Variants in MAGOHB observed in about 807,000 individuals in gnomAD.
MAGOHB encodes the protein protein mago nashi homolog 2.
Under a neutral mutation model 20.9 loss-of-function variants are expected in MAGOHB, and 15 were observed. That is an observed-to-expected ratio of 0.72 (90% CI 0.48 to 1.11). MAGOHB has a LOEUF of 1.11. Ranked by LOEUF, MAGOHB falls within the 50% of genes least tolerant of loss-of-function variation. The pLI is 0.00. For missense variants in MAGOHB, 162 were observed against 177.6 expected, an observed-to-expected ratio of 0.91 and a Z score of 0.50; for synonymous variants, 50 against 57.9, an observed-to-expected ratio of 0.86 and a Z score of 0.62.
At chr12:10,608,057 G>T in intron 3 of MAGOHB, 121 bp from the exon 4 acceptor site, 3 of 583,260 alleles carry the variant, frequency 5.1e-6, no homozygotes, top group Non-Finnish European at 5.9e-6. Context: ...CAGAGGGAGT[G>T]GGGGGCGAGG....
downstream of MAGOHB, among the ~76,000 whole-genome samples, chr12:10,600,353 A>G (rs1246229126): frequency 6.6e-6 from 1 of 152,064 alleles, no homozygotes; most frequent in Non-Finnish European, 1.5e-5. Context: ...TGGATACTTA[A>G]ATTGTTTTCA....
chr12:10,603,142 T>G (rs1865568874), downstream of MAGOHB, among the ~76,000 whole-genome samples: 1 of 150,804 alleles, frequency 6.6e-6, no homozygotes, highest in Non-Finnish European at 1.5e-5. Context: ...AAACTCCATC[T>G]CTACTAAAAA....
At chr12:10,612,036 AAT>A (rs1385190276) in intron 1 of MAGOHB, among the ~76,000 whole-genome samples, 6 of 152,078 alleles carry the variant, frequency 3.9e-5, no homozygotes, top group Non-Finnish European at 7.4e-5. Flanking sequence ...GGTAAGGTTA[AAT>A]ACAGTGATTA....
At chr12:10,601,466 G>A (rs964602767), downstream of MAGOHB, among the ~76,000 whole-genome samples, 1 of 152,194 alleles carries the variant, frequency 6.6e-6, no homozygotes, top group Non-Finnish European at 1.5e-5. Context: ...TTGCCACAAA[G>A]CATGAATCCT....
Position 10,605,818 on chromosome 12 carries a change from CA to C in MAGOHB, c.*456del, listed in dbSNP as rs1865619158. On this transcript the variant is annotated 3_prime_UTR_variant, in exon 5 of 5. Coordinates refer to ENST00000320756, the MANE Select transcript of MAGOHB (RefSeq NM_018048.5). ...AAAACTAGACCTTGTATAAGCCCCC[CA>C]AAATTAAATCCAATCATGTATGAAG... is the stretch of plus-strand genomic sequence containing the variant. 1 of 152,148 alleles carries C rather than the reference CA, an allele frequency of 6.6e-6. No homozygotes were observed. Among genetic ancestry groups the C allele is most frequent in the South Asian group, 2.1e-4 (1 of 4,826 alleles). The allele number at this position is 152,148 out of a possible 1,614,324, so 9.4% of individuals were successfully genotyped here. A position where few individuals can be genotyped will look rare whatever the true frequency, so the allele number is the denominator to read the frequency against.
chr12:10,609,218 T>G, intron 3 of MAGOHB: 1 of 275,510 alleles, frequency 3.6e-6, no homozygotes, highest in South Asian at 3.7e-5. Flanking sequence ...CAAAGTACAA[T>G]CCTCAGGGAT....
chr12:10,610,913 G>C (rs1286914030), intron 1 of MAGOHB, among the ~76,000 whole-genome samples: 1 of 152,086 alleles, frequency 6.6e-6, no homozygotes, highest in East Asian at 1.9e-4. Context: ...ATATATATTG[G>C]GTCATTTTTA....
chr12:10,611,148 T>C (rs1667919329), intron 1 of MAGOHB, among the ~76,000 whole-genome samples: 1 of 152,188 alleles, frequency 6.6e-6, no homozygotes, highest in African/African-American at 2.4e-5. Flanking sequence ...AAGATTCAGA[T>C]CTAGATCTAC....
Position 10,606,383 on chromosome 12 carries a change from T to G in MAGOHB, c.348-9A>C. The G allele has an allele frequency of 6.8e-7, 1 of 1,472,870 alleles. No homozygotes were observed. Among genetic ancestry groups the G allele is most frequent in the Non-Finnish European group, 9.3e-7 (1 of 1,080,620 alleles). 91.2% of individuals were successfully genotyped at this position (1,472,870 alleles called of 1,614,324 possible). A position where few individuals can be genotyped will look rare whatever the true frequency, so the allele number is the denominator to read the frequency against. The stretch of plus-strand genomic sequence containing the variant: ...GAAGGCCTTCAGGATCCCTAAAATT[T>G]AAAAAGGTAAAAGTTACTTTTTCTT... On this transcript the variant is annotated splice_polypyrimidine_tract_variant and intron_variant, in intron 4 of 4. Coordinates refer to ENST00000320756, the MANE Select transcript of MAGOHB (RefSeq NM_018048.5).
chr12:10,609,578 A>G (rs1865686323), intron 3 of MAGOHB: 1 of 491,810 alleles, frequency 2.0e-6, no homozygotes, highest in Non-Finnish European at 3.6e-6. Context: ...TGCATTGTGA[A>G]AACATCCTAA....
At chr12:10,610,577 C>CAAAAAAAAAAAAAAAA in intron 2 of MAGOHB, 45 bp downstream of exon 2, 2 of 724,892 alleles carry the variant, frequency 2.8e-6, no homozygotes, top group Non-Finnish European at 3.4e-6. Flanking sequence ...GGGCTAAATG[C>CAAAAAAAAAAAAAAAA]AAAAAAAAAA....
chr12:10,612,190 AATAACATAAC>A (rs3059682), intron 1 of MAGOHB, among the ~76,000 whole-genome samples: 31,097 of 141,264 alleles, frequency 0.22, 3,758 homozygotes, highest in Admixed American at 0.28. Context: ...CTCTACAAAA[AATAACATAAC>A]ATAACATAAC....
chr12:10,601,804 C>A (rs372724834), downstream of MAGOHB, among the ~76,000 whole-genome samples: 10 of 152,342 alleles, frequency 6.6e-5, no homozygotes, highest in African/African-American at 2.2e-4. Flanking sequence ...AAGTATCACA[C>A]GCTTCATAGG....
rs1555146632 is a variant in MAGOHB, at chr12:10,612,247, T to TA, written c.94+1191dup. ...TAACATAACATAACATAACATAACA[T>TA]AATTAGCTGGGTGAGGTGGCGTGGG... is the stretch of plus-strand genomic sequence containing the variant. On this transcript the variant is annotated intron_variant, in intron 1 of 4. Transcript: ENST00000320756. Among the ~76,000 whole-genome samples the TA allele has an allele frequency of 4.5e-3, 625 of 139,058 alleles. 8 individuals are homozygous for TA. The highest frequency in any genetic ancestry group is 0.016 in the African/African-American group (598 of 38,166). The allele number at this position is 139,058 out of a possible 152,430, so 91.2% of individuals were successfully genotyped here.
intron 3 of MAGOHB, 86 bp from the exon 4 acceptor site, chr12:10,608,022 T>C: frequency 1.3e-6 from 1 of 769,538 alleles, no homozygotes; most frequent in Non-Finnish European, 2.1e-6. Context: ...ATCCCAATTT[T>C]AGTTGCAAGT....
chr12:10,611,781 G>GAAAAAAAAAA (rs1473667981), intron 1 of MAGOHB, among the ~76,000 whole-genome samples: 1 of 114,014 alleles, frequency 8.8e-6, no homozygotes, highest in Non-Finnish European at 1.9e-5. Context: ...AAAAAGAAAA[G>GAAAAAAAAAA]AAACGCGTCT....
chr12:10,606,490 AAAGG>A (rs1865632238), intron 4 of MAGOHB, 116 bp from the exon 5 acceptor site: 3 of 632,850 alleles, frequency 4.7e-6, no homozygotes, highest in Non-Finnish European at 8.3e-6. Context: ...AATTTAGGAG[AAAGG>A]AAGGATTTTG....
chr12:10,610,186 T>C (rs1865698966), intron 2 of MAGOHB, among the ~76,000 whole-genome samples: 1 of 152,230 alleles, frequency 6.6e-6, no homozygotes, highest in Non-Finnish European at 1.5e-5. Flanking sequence ...CACTGTATTC[T>C]GCCTTTGCAA....
chr12:10,608,677 T>C (rs2120519678), intron 3 of MAGOHB: 1 of 151,788 alleles, frequency 6.6e-6, no homozygotes, highest in African/African-American at 2.4e-5. Flanking sequence ...TTCCCTATAT[T>C]GTTTATCTGC....
Sources: allele counts gnomAD v4.1 joint callset (sites outside exome capture counted in the v4.1 genomes callset), GRCh38; gene constraint gnomAD v4.1.1; transcripts MANE v1.5; gene names NCBI Gene and HGNC (gene_info 2026-07-23, HGNC 2026-07-21).